MRPS31: variants seen among roughly 807,000 people sequenced by gnomAD.
MRPS31 encodes the protein mitochondrial ribosomal protein S31.
A neutral mutation model predicts 43.1 loss-of-function variants in MRPS31; 32 were observed. The observed-to-expected ratio is 0.74, with a 90% CI of 0.56 to 1.00. The LOEUF (loss-of-function observed/expected upper bound fraction) is 1.00, where lower values mean the gene tolerates loss of function less well. Among genes scored for constraint, MRPS31 ranks in the 50% least tolerant of loss-of-function variants. The pLI, the probability that MRPS31 is intolerant of heterozygous loss-of-function variation, is 0.00. For synonymous variants in MRPS31, 165 were observed against 161.6 expected (o/e 1.02, Z -0.16); for missense variants, 437 against 466.7 (o/e 0.94, Z 0.59).
chr13:40,738,624 C>T (rs1269508083), intron 6 of MRPS31, among the ~76,000 whole-genome samples: 1 of 152,016 alleles, frequency 6.6e-6, no homozygotes, highest in Admixed American at 6.6e-5. Flanking sequence ...GGATGCAAGG[C>T]TGGTTCAATA....
chr13:40,762,989 T>G (rs1395957461), intron 2 of MRPS31, among the ~76,000 whole-genome samples: 1 of 152,190 alleles, frequency 6.6e-6, no homozygotes, highest in East Asian at 1.9e-4. Flanking sequence ...TAAACAAACA[T>G]AGCATCATTT....
At chr13:40,732,922 G>A (rs1197141197) in intron 6 of MRPS31, among the ~76,000 whole-genome samples, 1 of 150,294 alleles carries the variant, frequency 6.7e-6, no homozygotes, top group Non-Finnish European at 1.5e-5. Flanking sequence ...AGTGGCTCAC[G>A]CCTGTAATCT....
chr13:40,729,898 T>C (rs1196914885), intron 6 of MRPS31, among the ~76,000 whole-genome samples: 1 of 151,936 alleles, frequency 6.6e-6, no homozygotes, highest in East Asian at 2.0e-4. Context: ...CCCAGCTAAT[T>C]TTTTTATTTT....
intron 6 of MRPS31, among the ~76,000 whole-genome samples, chr13:40,732,080 A>G (rs1230686103): frequency 2.0e-5 from 3 of 152,270 alleles, no homozygotes; most frequent in Admixed American, 1.3e-4. Flanking sequence ...TCTATTTGCT[A>G]AAGACATTCT....
intron 6 of MRPS31, among the ~76,000 whole-genome samples, chr13:40,735,591 G>A (rs1261989606): frequency 2.6e-5 from 4 of 152,036 alleles, no homozygotes; most frequent in African/African-American, 9.7e-5. Context: ...TCTGAGAACG[G>A]GCAGACTGCC....
chr13:40,770,102 C>T (rs1271655613), intron 1 of MRPS31, among the ~76,000 whole-genome samples: 1 of 152,216 alleles, frequency 6.6e-6, no homozygotes, highest in African/African-American at 2.4e-5. Flanking sequence ...TACCCTAATA[C>T]TCCAACGCAG....
intron 2 of MRPS31, among the ~76,000 whole-genome samples, chr13:40,760,912 A>G (rs926836465): frequency 1.3e-5 from 2 of 152,108 alleles, no homozygotes; most frequent in Admixed American, 1.3e-4. Flanking sequence ...GTTCTTGGAG[A>G]AAGATTTTAA....
chr13:40,735,409 C>T (rs1390578001), intron 6 of MRPS31, among the ~76,000 whole-genome samples: 1 of 152,188 alleles, frequency 6.6e-6, no homozygotes, highest in Non-Finnish European at 1.5e-5. Flanking sequence ...CCAGGAAGCT[C>T]GAACTGGGTG....
At chr13:40,748,339 T>C (rs552156956) in intron 6 of MRPS31, among the ~76,000 whole-genome samples, 1 of 152,344 alleles carries the variant, frequency 6.6e-6, no homozygotes, top group African/African-American at 2.4e-5. Flanking sequence ...GTATTTTTAG[T>C]AGAGACGGTG....
chr13:40,730,952 T>C (rs1190745819), intron 6 of MRPS31: 4 of 151,230 alleles, frequency 2.6e-5, no homozygotes, highest in African/African-American at 7.3e-5. Flanking sequence ...TTGTGAAAAA[T>C]GTTCAGGCAG....
intron 2 of MRPS31, among the ~76,000 whole-genome samples, chr13:40,763,057 T>C (rs578203854): frequency 1.3e-5 from 2 of 152,294 alleles, no homozygotes; most frequent in South Asian, 2.1e-4. Flanking sequence ...ATTAAGTGAG[T>C]AATAGTTAGC....
At chr13:40,730,937 T>C (rs766429517) in intron 6 of MRPS31, 4 of 151,346 alleles carry the variant, frequency 2.6e-5, no homozygotes, top group Non-Finnish European at 5.9e-5. Context: ...ATAAATAAGA[T>C]GGAATTGTGA....
At chr13:40,735,807 G>T (rs1455811673) in intron 6 of MRPS31, among the ~76,000 whole-genome samples, 21 of 146,230 alleles carry the variant, frequency 1.4e-4, no homozygotes, top group South Asian at 1.1e-3. Flanking sequence ...AGACCAAAAG[G>T]AGATAAAACC....
intron 5 of MRPS31, among the ~76,000 whole-genome samples, chr13:40,751,551 T>A (rs1290902029): frequency 2.0e-5 from 3 of 152,180 alleles, no homozygotes; most frequent in Non-Finnish European, 4.4e-5. Context: ...TATGAGTATA[T>A]CCTTTGTAGC....
intron 6 of MRPS31, among the ~76,000 whole-genome samples, chr13:40,738,115 A>T (rs1473909623): frequency 2.6e-5 from 4 of 152,158 alleles, no homozygotes; most frequent in African/African-American, 7.2e-5. Flanking sequence ...TATCACCACC[A>T]ATCCCACAGA....
At chr13:40,753,515 C>T (rs1319772167) in intron 5 of MRPS31, among the ~76,000 whole-genome samples, 1 of 152,152 alleles carries the variant, frequency 6.6e-6, no homozygotes, top group Non-Finnish European at 1.5e-5. Flanking sequence ...ACTGTAGTAA[C>T]CCCCACCAGG....
intron 5 of MRPS31, among the ~76,000 whole-genome samples, chr13:40,750,278 A>G (rs1053820554): frequency 2.0e-5 from 3 of 152,182 alleles, no homozygotes; most frequent in African/African-American, 7.2e-5. Flanking sequence ...GCAAAGGAGT[A>G]TATACTATGT....
chr13:40,770,925 A>T, intron 1 of MRPS31, 60 bp downstream of exon 1: 1 of 1,607,466 alleles, frequency 6.2e-7, no homozygotes, highest in Non-Finnish European at 8.5e-7. Context: ...AGGTGGTAAC[A>T]TCGACCCCAG....
rs141641942 is a variant in MRPS31 at position 40,741,588 on chromosome 13, CAGTT to C, written c.958+7546_958+7549del. 6.9e-3 allele frequency among the ~76,000 whole-genome samples: 1,056 copies of C among 152,234 alleles called. 7 individuals are homozygous for C. The highest frequency in any genetic ancestry group is 0.013 in the Non-Finnish European group (853 of 67,998). On this transcript the variant is annotated intron_variant, in intron 6 of 6. Coordinates refer to ENST00000323563, the MANE Select transcript of MRPS31 (RefSeq NM_005830.4). ...TTGAAAGGTTAACAATATCCAGTAT[CAGTT>C]AGGCTGCAGAGAAACAGAATTTTTA... is the stretch of plus-strand genomic sequence containing the variant.
Sources: allele counts gnomAD v4.1 joint callset (sites outside exome capture counted in the v4.1 genomes callset), GRCh38; gene constraint gnomAD v4.1.1; transcripts MANE v1.5; gene names NCBI Gene and HGNC (gene_info 2026-07-23, HGNC 2026-07-21).